The following CELF4 variants were observed in gnomAD, a reference collection of about 807,000 sequenced individuals.
The protein encoded by CELF4 is CUG-BP- and ETR-3-like factor 4.
Under a neutral mutation model 59.9 loss-of-function variants are expected in CELF4, and 18 were observed. The observed-to-expected ratio is 0.30, with a 90% CI of 0.21 to 0.45. The LOEUF is 0.45. CELF4 is among the 20% of genes least tolerant of loss of function. The pLI is 1.00. For synonymous variants in CELF4, 261 were observed against 267.1 expected (o/e 0.98, Z 0.22); for missense variants, 456 against 689.0 (o/e 0.66, Z 3.79).
chr18:37,345,667 G>C (rs1373203003), intron 2 of CELF4, among the ~76,000 whole-genome samples: 4 of 152,140 alleles, frequency 2.6e-5, no homozygotes, highest in African/African-American at 9.7e-5. Context: ...AGGCTCTGGG[G>C]GAGGAAGCTG....
rs1162596031 is a variant in CELF4 at position 37,460,138 on chromosome 18, G to C, written c.369+25387C>G. Among the ~76,000 whole-genome samples, 3 of 152,136 alleles carry C rather than the reference G, an allele frequency of 2.0e-5. No homozygotes were observed. The East Asian group carries it at 5.8e-4, about 29-fold the overall frequency. ...TTTCCTAAGAATCACCATGGCCCCAGGGCTCGCCATGTCTGAACATGAGTG... is the reference window on the plus strand; with the variant it reads ...TTTCCTAAGAATCACCATGGCCCCACGGCTCGCCATGTCTGAACATGAGTG... On this transcript the variant is annotated intron_variant, in intron 2 of 12. Coordinates refer to ENST00000420428, the MANE Select transcript of CELF4 (RefSeq NM_020180.4).
At chr18:37,500,298 G>A (rs2099930102) in intron 1 of CELF4, among the ~76,000 whole-genome samples, 1 of 152,170 alleles carries the variant, frequency 6.6e-6, no homozygotes, top group Non-Finnish European at 1.5e-5. Context: ...GCATAGGGCT[G>A]TATTCTCTGT....
At chr18:37,398,177 C>G (rs1286135978) in intron 2 of CELF4, among the ~76,000 whole-genome samples, 20 of 152,170 alleles carry the variant, frequency 1.3e-4, no homozygotes, top group Admixed American at 1.3e-3. Flanking sequence ...GCTTTTATAG[C>G]CTGTGACCCC....
intron 2 of CELF4, among the ~76,000 whole-genome samples, chr18:37,376,384 C>T (rs1278552813): frequency 2.0e-5 from 3 of 152,184 alleles, no homozygotes; most frequent in Admixed American, 2.0e-4. Flanking sequence ...TTCTTCTCTC[C>T]CTAGCCGGGA....
rs188774440 is a variant in CELF4, at chr18:37,407,041, T to C, written c.369+78484A>G. On this transcript the variant is annotated intron_variant, in intron 2 of 12. Transcript: ENST00000420428. ...ACCTCAGGAAAGACAGCATGGTTTA[T>C]TGAAAAAAGAAAACAAACCTTAGGA... 2.2e-3 allele frequency among the ~76,000 whole-genome samples: 328 copies of C among 152,284 alleles called. 3 individuals are homozygous for C. Among genetic ancestry groups the C allele is most frequent in the African/African-American group, 7.6e-3 (316 of 41,556 alleles).
intron 1 of CELF4, among the ~76,000 whole-genome samples, chr18:37,558,358 C>T (rs931689933): frequency 2.0e-5 from 3 of 149,018 alleles, no homozygotes; most frequent in Admixed American, 6.8e-5. Flanking sequence ...AATTCCTCTG[C>T]AGCTTTTACT....
At chr18:37,411,082 G>A (rs1236487577) in intron 2 of CELF4, among the ~76,000 whole-genome samples, 3 of 151,794 alleles carry the variant, frequency 2.0e-5, no homozygotes, top group Non-Finnish European at 4.4e-5. Context: ...TCAGCCTCCT[G>A]AGTAGCTGGG....
At chr18:37,305,811 AG>A (rs1350371765) in intron 3 of CELF4, 1 of 152,278 alleles carries the variant, frequency 6.6e-6, no homozygotes, top group Non-Finnish European at 1.5e-5. Context: ...CTACTAAGGT[AG>A]GTTGGTGTCT....
intron 2 of CELF4, among the ~76,000 whole-genome samples, chr18:37,370,478 C>G (rs2098846124): frequency 6.6e-6 from 1 of 152,180 alleles, no homozygotes; most frequent in African/African-American, 2.4e-5. Context: ...AACTTTGAGG[C>G]CATCCAGCCT....
chr18:37,334,784 G>C (rs1201806678), intron 2 of CELF4, among the ~76,000 whole-genome samples: 1 of 151,958 alleles, frequency 6.6e-6, no homozygotes, highest in Admixed American at 6.6e-5. Context: ...TAGGCCTGGA[G>C]AGAGCAGGAA....
intron 3 of CELF4, among the ~76,000 whole-genome samples, chr18:37,299,873 C>T (rs11874361): frequency 0.16 from 24,250 of 151,928 alleles, 2,371 homozygotes; most frequent in East Asian, 0.42. Flanking sequence ...ATCTCTCCCA[C>T]GCTGAACAGA....
intron 1 of CELF4, among the ~76,000 whole-genome samples, chr18:37,489,038 T>C (rs1453672954): frequency 6.6e-6 from 1 of 152,204 alleles, no homozygotes; most frequent in South Asian, 2.1e-4. Context: ...AGTTCACTGT[T>C]GTGAAGCAGG....
chr18:37,463,771 C>T (rs563692820), intron 2 of CELF4, among the ~76,000 whole-genome samples: 27 of 152,174 alleles, frequency 1.8e-4, no homozygotes, highest in Non-Finnish European at 2.2e-4. Flanking sequence ...TGGCCTGCGG[C>T]GTCCAGGCCC....
intron 1 of CELF4, among the ~76,000 whole-genome samples, chr18:37,539,460 CACACACACACAA>C (rs1308358146): frequency 9.5e-4 from 108 of 113,620 alleles, no homozygotes; most frequent in African/African-American, 4.3e-3. Flanking sequence ...CACACACACA[CACACACACACAA>C]ACACACACAC....
At chr18:37,437,645 G>T (rs72889344) in intron 2 of CELF4, among the ~76,000 whole-genome samples, 25,911 of 152,162 alleles carry the variant, frequency 0.17, 2,668 homozygotes, top group South Asian at 0.37. Flanking sequence ...CCCCATAAAG[G>T]ATCTCTGGCG....
At chr18:37,446,127 T>C (rs7227410) in intron 2 of CELF4, among the ~76,000 whole-genome samples, 91,436 of 152,056 alleles carry the variant, frequency 0.6, 28,119 homozygotes, top group East Asian at 0.83. Flanking sequence ...TGCTTTGCCT[T>C]AGCAGGAGCG....
At chr18:37,561,164 T>G (rs1428423621) in intron 1 of CELF4, among the ~76,000 whole-genome samples, 1 of 152,234 alleles carries the variant, frequency 6.6e-6, no homozygotes, top group Non-Finnish European at 1.5e-5. Flanking sequence ...TCCCTGCAGC[T>G]GTGGCTCCTG....
chr18:37,259,354 G>A (rs987221650), intron 10 of CELF4, 90 bp from the exon 11 acceptor site: 11 of 304,966 alleles, frequency 3.6e-5, no homozygotes, highest in South Asian at 2.8e-4. Context: ...GTTAGGCAGC[G>A]CAGCAGGGAG....
At chr18:37,396,663 C>T (rs1460946690) in intron 2 of CELF4, among the ~76,000 whole-genome samples, 1 of 152,144 alleles carries the variant, frequency 6.6e-6, no homozygotes, top group East Asian at 1.9e-4. Context: ...TTATAAGAGA[C>T]AGCATGGATG....
Sources: gnomAD v4.1 joint callset for allele counts (sites outside exome capture counted in the v4.1 genomes callset) on GRCh38, gnomAD v4.1.1 for gene constraint, MANE v1.5 for transcripts, NCBI Gene and HGNC (gene_info 2026-07-23, HGNC 2026-07-21) for gene names.